RPS6KA1: variants seen among roughly 807,000 people sequenced by gnomAD.
RPS6KA1 encodes ribosomal protein S6 kinase alpha-1.
RPS6KA1 carries 48 observed loss-of-function variants against 91.3 expected under a neutral mutation model. That is an observed-to-expected ratio of 0.53 (90% confidence interval 0.42 to 0.67). RPS6KA1 has a LOEUF of 0.67. Ranked by LOEUF, RPS6KA1 falls within the 30% of genes least tolerant of loss-of-function variation. The pLI, the probability that RPS6KA1 is intolerant of heterozygous loss-of-function variation, is 0.00. For missense variants in RPS6KA1, 719 were observed against 960.5 expected (o/e 0.75, Z 3.32); for synonymous variants, 359 against 384.7 (o/e 0.93, Z 0.78).
intron 2 of RPS6KA1, 97 bp from the exon 3 acceptor site, chr1:26,546,770 C>T: frequency 1.2e-6 from 1 of 852,112 alleles, no homozygotes; most frequent in Non-Finnish European, 1.9e-6. Context: ...CCTTTAGGTT[C>T]CATCTGCTGT....
intron 2 of RPS6KA1, chr1:26,543,224 G>A (rs2075962487): frequency 6.5e-7 from 1 of 1,530,368 alleles, no homozygotes; most frequent in Non-Finnish European, 8.8e-7. Flanking sequence ...CCAGAAAGGT[G>A]AGCAGAAGAG....
chr1:26,544,385 G>C, intron 2 of RPS6KA1, among the ~76,000 whole-genome samples: 1 of 151,698 alleles, frequency 6.6e-6, no homozygotes, highest in East Asian at 1.9e-4. Context: ...GTCTCTGCCT[G>C]TTGGATACCT....
At position 26,536,717 on chromosome 1, in the gene RPS6KA1, T is replaced by C. The variant is rs531914974; in HGVS notation, c.64-208T>C. Reference sequence around the variant, plus strand: ...TGCTGGTCCCTGGGAATATTCTGCCTGAGTCATGAGGCGCCATTGCCAGAA... The same window carrying C: ...TGCTGGTCCCTGGGAATATTCTGCCCGAGTCATGAGGCGCCATTGCCAGAA... On this transcript the variant is annotated intron_variant, in intron 1 of 21. Coordinates refer to ENST00000374168, the MANE Select transcript of RPS6KA1 (RefSeq NM_002953.4). Among the ~76,000 whole-genome samples, 3 of 152,338 alleles carry C rather than the reference T, an allele frequency of 2.0e-5. No homozygotes were observed. In the South Asian group the frequency reaches 6.2e-4, roughly 32 times the overall value.
rs754205634 is a variant in RPS6KA1 at position 26,554,229 on chromosome 1, G to A, written c.591G>A (p.Glu197=). Residue 197 remains glutamate (E), a synonymous_variant, in exon 8 of 22, where the codon GAG becomes GAA. Coordinates refer to ENST00000374168, the MANE Select transcript of RPS6KA1 (RefSeq NM_002953.4). The surrounding 1 kb of genome is among the most constrained non-coding windows in gnomAD (Gnocchi z 4.6). The part of the protein sequence containing the change: ...DLKPENILLD[E]EGHIKLTDFG... Reference sequence around the variant, plus strand: ...TCTATTACAGCATCCTTCTGGATGAGGAGGGCCACATCAAACTCACTGGTG... The same window carrying A: ...TCTATTACAGCATCCTTCTGGATGAAGAGGGCCACATCAAACTCACTGGTG... 6.4e-7 allele frequency: 1 copy of A among 1,556,534 alleles called. No homozygotes were observed. Among genetic ancestry groups the A allele is most frequent in the East Asian group, 2.4e-5 (1 of 41,532 alleles).
chr1:26,535,210 G>A (rs924835973), intron 1 of RPS6KA1, among the ~76,000 whole-genome samples: 2 of 152,130 alleles, frequency 1.3e-5, no homozygotes, highest in African/African-American at 2.4e-5. Context: ...ATGGATGTGT[G>A]CATGGAGGGG....
intron 14 of RPS6KA1, among the ~76,000 whole-genome samples, chr1:26,560,134 G>T (rs1419300493): frequency 6.6e-6 from 1 of 152,334 alleles, no homozygotes; most frequent in Middle Eastern, 3.4e-3. Flanking sequence ...GGACATCTTA[G>T]TCCAGGACAA....
chr1:26,567,365 G>A (rs1011413151), intron 17 of RPS6KA1, among the ~76,000 whole-genome samples: 3 of 151,690 alleles, frequency 2.0e-5, no homozygotes, highest in Admixed American at 2.0e-4. Flanking sequence ...TGGTCTCTAG[G>A]GTTTTTTGTT....
Position 26,574,043 on chromosome 1 carries a change from C to T in RPS6KA1, c.2086-36C>T. 1 of 1,602,476 alleles carries T rather than the reference C, an allele frequency of 6.2e-7. No individual in the cohort carries two copies. Among genetic ancestry groups the T allele is most frequent in the East Asian group, 2.2e-5 (1 of 44,550 alleles). On this transcript the variant is annotated intron_variant, in intron 21 of 21. Transcript: ENST00000374168. This position sits in a 1 kb window ranked among gnomAD's most constrained non-coding sequence, Gnocchi z 4.3. Reference sequence around the variant, plus strand: ...TGGATCCCCTCCCCGCTACATCTCCCACCATTGTGACCTGACCTCCCCACT... The same window carrying T: ...TGGATCCCCTCCCCGCTACATCTCCTACCATTGTGACCTGACCTCCCCACT...
chr1:26,559,246 C>T (rs766886603), intron 14 of RPS6KA1, among the ~76,000 whole-genome samples: 4 of 152,210 alleles, frequency 2.6e-5, no homozygotes, highest in Non-Finnish European at 4.4e-5. Context: ...GATCTCATCA[C>T]ACTTGTTCCC....
At chr1:26,546,085 A>T in intron 2 of RPS6KA1, 2 of 1,589,380 alleles carry the variant, frequency 1.3e-6, no homozygotes, top group Non-Finnish European at 8.6e-7. Flanking sequence ...CCCTTGCAGC[A>T]GGTGCCTGGG....
At chr1:26,572,534 G>A (rs2076258277) in intron 20 of RPS6KA1, among the ~76,000 whole-genome samples, 1 of 152,090 alleles carries the variant, frequency 6.6e-6, no homozygotes, top group Admixed American at 6.6e-5. Flanking sequence ...GGCACTGAGG[G>A]CTGCATCATC....
At chr1:26,568,679 G>C (rs1217865847) in intron 17 of RPS6KA1, among the ~76,000 whole-genome samples, 1 of 152,284 alleles carries the variant, frequency 6.6e-6, no homozygotes, top group African/African-American at 2.4e-5. Context: ...GAGCCTGGGA[G>C]GCAGAGGTTG....
intron 2 of RPS6KA1, 55 bp from the exon 3 acceptor site, chr1:26,546,812 C>T: frequency 7.2e-7 from 1 of 1,397,820 alleles, no homozygotes; most frequent in Non-Finnish European, 1.0e-6. Flanking sequence ...GGCAGGGGAG[C>T]CTCCTGCTGC....
At chr1:26,552,580 G>A (rs981166190) in intron 6 of RPS6KA1, among the ~76,000 whole-genome samples, 7 of 147,176 alleles carry the variant, frequency 4.8e-5, no homozygotes, top group East Asian at 4.3e-4. Context: ...TCCGCCTCCC[G>A]GGTTCAAGCA....
intron 17 of RPS6KA1, among the ~76,000 whole-genome samples, chr1:26,564,592 C>T (rs1173784323): frequency 6.6e-6 from 1 of 152,150 alleles, no homozygotes; most frequent in Non-Finnish European, 1.5e-5. Flanking sequence ...AGGTGGTAAC[C>T]GTCCGATCTC....
chr1:26,544,007 T>C, intron 2 of RPS6KA1: 3 of 447,420 alleles, frequency 6.7e-6, no homozygotes, highest in South Asian at 4.7e-5. Context: ...CTGCAAGAAA[T>C]ACGAGAGTCC....
chr1:26,574,011 T>G lies in RPS6KA1; in HGVS notation c.2086-68T>G, dbSNP rs969489954. On this transcript the variant is annotated intron_variant, in intron 21 of 21. Transcript: ENST00000374168. This position sits in a 1 kb window ranked among gnomAD's most constrained non-coding sequence, Gnocchi z 4.3. ...ACACTGAGAGGGGCTGGCCTACCCT[T>G]GGGGCATGGATCCCCTCCCCGCTAC... 1 of 1,562,942 alleles carries G rather than the reference T, an allele frequency of 6.4e-7. No homozygotes were observed. Among genetic ancestry groups the G allele is most frequent in the South Asian group, 1.2e-5 (1 of 86,852 alleles).
intron 2 of RPS6KA1, among the ~76,000 whole-genome samples, chr1:26,541,439 C>T (rs146930190): frequency 8.1e-4 from 123 of 152,010 alleles, no homozygotes; most frequent in Non-Finnish European, 1.0e-3. Context: ...CCTGTAGTCC[C>T]AGCTACTCGG....
Position 26,529,818 on chromosome 1 carries a change from G to T in RPS6KA1, c.-103G>T, listed in dbSNP as rs2075854329. On this transcript the variant is annotated 5_prime_UTR_variant, in exon 1 of 22. Coordinates refer to ENST00000374168, the MANE Select transcript of RPS6KA1 (RefSeq NM_002953.4). The surrounding 1 kb of genome is among the most constrained non-coding windows in gnomAD (Gnocchi z 4.2). ...GGCCCAGCCGGAGCGCGAGGGGCTC[G>T]GGGGGGCGCGGCGGTTCGGGTCGCA... The T allele has an allele frequency of 2.0e-5, 17 of 858,160 alleles. No homozygotes were observed. The highest frequency in any genetic ancestry group is 8.2e-5 in the South Asian group (2 of 24,464). The allele number at this position is 858,160 out of a possible 1,614,324, so 53.2% of individuals were successfully genotyped here.
Sources: allele counts gnomAD v4.1 joint callset (sites outside exome capture counted in the v4.1 genomes callset), GRCh38; gene constraint gnomAD v4.1.1; non-coding constraint Gnocchi (gnomAD v3.1); transcripts MANE v1.5; gene names NCBI Gene and HGNC (gene_info 2026-07-23, HGNC 2026-07-21).